The following RRAS2 variants were observed in gnomAD, a reference collection of about 807,000 sequenced individuals.
RRAS2 encodes ras-related protein R-Ras2.
Under a neutral mutation model 27.6 loss-of-function variants are expected in RRAS2, and 7 were observed. The ratio of observed to expected loss-of-function variants is 0.25; its 90% CI spans 0.14 to 0.48. The LOEUF (loss-of-function observed/expected upper bound fraction) is 0.48, where lower values mean the gene tolerates loss of function less well. RRAS2 is among the 20% of genes least tolerant of loss of function. The pLI is 0.99. For missense variants in RRAS2, 178 were observed against 256.2 expected (o/e 0.69, Z 2.08); for synonymous variants, 86 against 90.9 (o/e 0.95, Z 0.31).
chr11:14,352,141 T>C (rs192330911), intron 1 of RRAS2, among the ~76,000 whole-genome samples: 76 of 152,332 alleles, frequency 5.0e-4, no homozygotes, highest in Middle Eastern at 3.4e-3. Context: ...TGCTGAATTT[T>C]ACTTACATGG....
At chr11:14,332,597 G>A (rs1848502176) in intron 1 of RRAS2, among the ~76,000 whole-genome samples, 1 of 152,050 alleles carries the variant, frequency 6.6e-6, no homozygotes, top group South Asian at 2.1e-4. Context: ...AAACATCCCA[G>A]ACACAAAAAG....
intron 1 of RRAS2, among the ~76,000 whole-genome samples, chr11:14,298,897 C>T (rs569928762): frequency 6.6e-6 from 1 of 152,318 alleles, no homozygotes; most frequent in Non-Finnish European, 1.5e-5. Context: ...AAAAAGGCAA[C>T]ATTTTTGTTA....
At chr11:14,335,179 A>T (rs1439457362) in intron 1 of RRAS2, among the ~76,000 whole-genome samples, 1 of 152,146 alleles carries the variant, frequency 6.6e-6, no homozygotes, top group Non-Finnish European at 1.5e-5. Context: ...CTGTTCAGTC[A>T]TCTTGTTCCT....
At chr11:14,308,167 A>C (rs1195053968) in intron 1 of RRAS2, 16 of 318,204 alleles carry the variant, frequency 5.0e-5, no homozygotes, top group Non-Finnish European at 7.4e-5. Flanking sequence ...TGTGCACAAA[A>C]TATCTCTGGA....
chr11:14,343,788 C>G (rs369657856), intron 1 of RRAS2, among the ~76,000 whole-genome samples: 2 of 151,328 alleles, frequency 1.3e-5, no homozygotes, highest in African/African-American at 4.9e-5. Context: ...GAGCCGAGAT[C>G]GCGCCAATGC....
chr11:14,290,086 G>T (rs1554945585), intron 4 of RRAS2, among the ~76,000 whole-genome samples: 2 of 152,186 alleles, frequency 1.3e-5, no homozygotes, highest in Non-Finnish European at 2.9e-5. Flanking sequence ...TGTCCAAGTT[G>T]ACTTGGTAGA....
At chr11:14,363,703 G>A (rs372564626), upstream of RRAS2, among the ~76,000 whole-genome samples, 161 of 152,132 alleles carry the variant, frequency 1.1e-3, 2 homozygotes, top group East Asian at 0.012. Context: ...CCGGGGAGGC[G>A]GAGGTTGCAG....
intron 1 of RRAS2, among the ~76,000 whole-genome samples, chr11:14,340,085 G>A (rs1388534969): frequency 1.5e-4 from 21 of 139,302 alleles, no homozygotes; most frequent in Admixed American, 1.1e-3. Flanking sequence ...AGCCGAGGTC[G>A]CGCCACTACA....
At chr11:14,329,384 G>T (rs1848439516) in intron 1 of RRAS2, among the ~76,000 whole-genome samples, 1 of 152,166 alleles carries the variant, frequency 6.6e-6, no homozygotes, top group Non-Finnish European at 1.5e-5. Flanking sequence ...AAAGTGCTAA[G>T]ATTACAGGCA....
intron 1 of RRAS2, among the ~76,000 whole-genome samples, chr11:14,311,510 G>A (rs541249448): frequency 2.0e-5 from 3 of 152,038 alleles, no homozygotes; most frequent in Non-Finnish European, 4.4e-5. Flanking sequence ...GGGATTACAG[G>A]CACGTGCCAA....
In RRAS2 at chr11:14,358,781, G is replaced by A. The variant is rs184872101; in HGVS notation, c.90C>T (p.Leu30=). 9.5e-4 allele frequency: 1,397 copies of A among 1,471,738 alleles called. No individual in the cohort carries two copies. Among genetic ancestry groups the A allele is most frequent in the Non-Finnish European group, 1.1e-3 (1,240 of 1,102,896 alleles). The allele number at this position is 1,471,738 out of a possible 1,614,324, so 91.2% of individuals were successfully genotyped here. A position where few individuals can be genotyped will look rare whatever the true frequency, so the allele number is the denominator to read the frequency against. ...VGGGGVGKSA[L]TIQFIQSYFV... ...CAGGTACCTGGATGAACTGGATGGT[G>A]AGCGCCGACTTGCCCACGCCGCCCC... Residue 30 remains leucine (L), a synonymous_variant, in exon 1 of 6, where the codon CTC becomes CTT. Coordinates refer to ENST00000256196, the MANE Select transcript of RRAS2 (RefSeq NM_012250.6). This position sits in a 1 kb window ranked among gnomAD's most constrained non-coding sequence, Gnocchi z 5.1.
chr11:14,325,636 T>C (rs1848337721), intron 1 of RRAS2, among the ~76,000 whole-genome samples: 2 of 152,222 alleles, frequency 1.3e-5, no homozygotes, highest in Non-Finnish European at 2.9e-5. Flanking sequence ...GCATTAAGTT[T>C]GTAGATTAAC....
At chr11:14,361,460 C>T (rs1193477754), upstream of RRAS2, among the ~76,000 whole-genome samples, 10 of 151,854 alleles carry the variant, frequency 6.6e-5, no homozygotes, top group South Asian at 2.1e-4. Context: ...ACCTGGGAGG[C>T]GGAGGTTTCA....
At chr11:14,323,963 A>C (rs1848285557) in intron 1 of RRAS2, among the ~76,000 whole-genome samples, 1 of 142,670 alleles carries the variant, frequency 7.0e-6, no homozygotes, top group Non-Finnish European at 1.5e-5. Context: ...AAGGATAAGA[A>C]AATGTCACAT....
At chr11:14,326,642 ATGT>A (rs1848362909) in intron 1 of RRAS2, among the ~76,000 whole-genome samples, 1 of 152,164 alleles carries the variant, frequency 6.6e-6, no homozygotes. Flanking sequence ...TAAGAGCAAA[ATGT>A]TGTCCTCTAT....
chr11:14,310,906 C>T (rs1213398727), intron 1 of RRAS2, among the ~76,000 whole-genome samples: 7 of 152,224 alleles, frequency 4.6e-5, no homozygotes, highest in Admixed American at 3.3e-4. Context: ...AATGGACAGA[C>T]AGGTTCTGAT....
At chr11:14,348,549 A>T (rs1848885031) in intron 1 of RRAS2, among the ~76,000 whole-genome samples, 1 of 152,224 alleles carries the variant, frequency 6.6e-6, no homozygotes, top group South Asian at 2.1e-4. Flanking sequence ...TCATTTATTT[A>T]TCATAGATCC....
At position 14,358,745 on chromosome 11, in the gene RRAS2, C is replaced by G; in HGVS notation, c.108+18G>C. 7.3e-7 allele frequency: 1 copy of G among 1,367,050 alleles called. No homozygotes were observed. Among genetic ancestry groups the G allele is most frequent in the Non-Finnish European group, 9.6e-7 (1 of 1,046,248 alleles). 84.7% of individuals were successfully genotyped at this position (1,367,050 alleles called of 1,614,324 possible). ...CCCGCCGCCGCTCCGGCGCCCCGGG[C>G]AGGCCCGCTCCAGGTACCTGGATGA... On this transcript the variant is annotated intron_variant, in intron 1 of 5. Coordinates refer to ENST00000256196, the MANE Select transcript of RRAS2 (RefSeq NM_012250.6). This position sits in a 1 kb window ranked among gnomAD's most constrained non-coding sequence, Gnocchi z 5.1.
chr11:14,340,394 C>A (rs1848678541), intron 1 of RRAS2, among the ~76,000 whole-genome samples: 1 of 151,916 alleles, frequency 6.6e-6, no homozygotes, highest in Non-Finnish European at 1.5e-5. Flanking sequence ...AGCCACCGCA[C>A]TCAGCCAAAA....
Sources: gnomAD v4.1 joint callset for allele counts (sites outside exome capture counted in the v4.1 genomes callset) on GRCh38, gnomAD v4.1.1 for gene constraint, Gnocchi (gnomAD v3.1) non-coding constraint, MANE v1.5 for transcripts, NCBI Gene and HGNC (gene_info 2026-07-23, HGNC 2026-07-21) for gene names.